The following HSD17B2 variants were observed in gnomAD, a reference collection of about 807,000 sequenced individuals.
HSD17B2 encodes the protein 17-beta-hydroxysteroid dehydrogenase type 2.
In HSD17B2, 32 loss-of-function variants were observed where a neutral mutation model predicts 26.9. That is an observed-to-expected ratio of 1.19 (90% CI 0.90 to 1.60). The LOEUF (loss-of-function observed/expected upper bound fraction) is 1.60, where lower values mean the gene tolerates loss of function less well. HSD17B2 is among the 40% of genes most tolerant of loss of function. The pLI is 0.00. For synonymous variants in HSD17B2, 246 were observed against 186.7 expected, an observed-to-expected ratio of 1.32 and a Z score of -2.59; for missense variants, 613 against 468.6, an observed-to-expected ratio of 1.31 and a Z score of -2.85.
chr16:82,077,668 C>A (rs1904309392), intron 3 of HSD17B2, among the ~76,000 whole-genome samples: 1 of 151,816 alleles, frequency 6.6e-6, no homozygotes, highest in South Asian at 2.1e-4. Flanking sequence ...GAGATAGAGG[C>A]TGCAGCAGAC....
At chr16:82,046,572 A>T (rs1468728317) in intron 1 of HSD17B2, among the ~76,000 whole-genome samples, 1 of 152,014 alleles carries the variant, frequency 6.6e-6, no homozygotes, top group Non-Finnish European at 1.5e-5. Flanking sequence ...AAAATACAAA[A>T]ATTAGACGGG....
At chr16:82,091,481 C>T (rs934870289) in intron 4 of HSD17B2, 16 of 200,730 alleles carry the variant, frequency 8.0e-5, no homozygotes, top group African/African-American at 2.8e-4. Context: ...GAGAGAAATG[C>T]TTCTGCATTG....
chr16:82,084,613 C>A (rs966688801), intron 3 of HSD17B2, among the ~76,000 whole-genome samples: 14 of 152,088 alleles, frequency 9.2e-5, no homozygotes, highest in African/African-American at 3.1e-4. Flanking sequence ...TCTAATTGTA[C>A]AAAGGACAGT....
intron 1 of HSD17B2, among the ~76,000 whole-genome samples, chr16:82,048,596 T>G (rs1217866823): frequency 6.6e-6 from 1 of 152,116 alleles, no homozygotes; most frequent in East Asian, 1.9e-4. Flanking sequence ...AAGGAAGGAC[T>G]TGAAGAAGAG....
At chr16:82,090,252 A>AAGATC in intron 3 of HSD17B2, 2 of 947,218 alleles carry the variant, frequency 2.1e-6, no homozygotes, top group South Asian at 9.8e-5. Context: ...GTCAGGCTAG[A>AAGATC]AGATCAGGGC....
Position 82,039,081 on chromosome 16 carries a change from G to C in HSD17B2, c.265+3392G>C, listed in dbSNP as rs139718647. On this transcript the variant is annotated intron_variant, in intron 1 of 4. Transcript: ENST00000199936. ...AAGAATCGCAGGTGCTGGCTGCTGG[G>C]AGTCAAAGTGCACCATGGATTGATG... Among the ~76,000 whole-genome samples the C allele has an allele frequency of 2.0e-3, 304 of 152,238 alleles. 1 individual carries two copies. The highest frequency in any genetic ancestry group is 6.9e-3 in the African/African-American group (288 of 41,516).
chr16:82,088,638 C>T (rs545734325), intron 3 of HSD17B2, among the ~76,000 whole-genome samples: 43 of 152,336 alleles, frequency 2.8e-4, no homozygotes, highest in Non-Finnish European at 5.1e-4. Context: ...TGATTTTGAA[C>T]AAGTTGCTGT....
At chr16:82,089,148 G>C (rs938296999) in intron 3 of HSD17B2, among the ~76,000 whole-genome samples, 2 of 152,062 alleles carry the variant, frequency 1.3e-5, no homozygotes, top group Non-Finnish European at 2.9e-5. Flanking sequence ...CACCCTTCAG[G>C]TAACCACTGA....
Position 82,098,392 on chromosome 16 carries a change from C to T in HSD17B2, c.1120C>T (p.Pro374Ser). The change falls in exon 5 of 5, where the codon CCC becomes TCC. Residue 374 changes from proline to serine, a missense_variant. Physicochemically the swap from Pro to Ser is moderately conservative, Grantham distance 74. Transcript: ENST00000199936. ...ACATTTTGGCCAAGACAAGCCCATG[C>T]CCAGAGCTCTAAGAATGCCTAACTA... ...KRHFGQDKPM[P>S]RALRMPNYKK... The T allele has an allele frequency of 6.2e-7, 1 of 1,613,524 alleles. No individual in the cohort carries two copies. The highest frequency in any genetic ancestry group is 1.1e-5 in the South Asian group (1 of 90,966).
chr16:82,044,749 A>G (rs1913868883), intron 1 of HSD17B2: 2 of 152,264 alleles, frequency 1.3e-5, no homozygotes, highest in South Asian at 4.1e-4. Flanking sequence ...CGTCACACTG[A>G]AAGCTATCCC....
chr16:82,046,466 T>A (rs1913932125), intron 1 of HSD17B2, among the ~76,000 whole-genome samples: 1 of 152,172 alleles, frequency 6.6e-6, no homozygotes, highest in Non-Finnish European at 1.5e-5. Context: ...CTCACGCCTG[T>A]AATCCCAGCA....
At chr16:82,054,395 A>C (rs1353536978) in intron 1 of HSD17B2, among the ~76,000 whole-genome samples, 2 of 151,628 alleles carry the variant, frequency 1.3e-5, no homozygotes, top group Non-Finnish European at 2.9e-5. Flanking sequence ...CCCAGGCTGG[A>C]GTGTAGTGGT....
chr16:82,084,018 C>G (rs1357599647), intron 3 of HSD17B2, among the ~76,000 whole-genome samples: 1 of 152,184 alleles, frequency 6.6e-6, no homozygotes, highest in East Asian at 1.9e-4. Flanking sequence ...CGCATAAACA[C>G]TTGTGTGCAA....
At chr16:82,064,705 A>G (rs887075551) in intron 1 of HSD17B2, among the ~76,000 whole-genome samples, 1 of 152,248 alleles carries the variant, frequency 6.6e-6, no homozygotes, top group Non-Finnish European at 1.5e-5. Context: ...CTTAAAGCAT[A>G]CATGGGGAAG....
intron 1 of HSD17B2, among the ~76,000 whole-genome samples, chr16:82,048,457 A>G (rs1178348964): frequency 1.3e-5 from 2 of 152,160 alleles, no homozygotes. Context: ...TTAGTGAGCA[A>G]CTCTGAAAAT....
intron 4 of HSD17B2, chr16:82,093,676 T>C (rs535410625): frequency 2.0e-5 from 3 of 152,316 alleles, no homozygotes; most frequent in South Asian, 2.1e-4. Flanking sequence ...TTGGATCTTG[T>C]GTGAGAAAGA....
rs1337596255 is a variant in HSD17B2 at position 82,035,513 on chromosome 16, G to A, written c.89G>A (p.Ser30Asn). 5.6e-6 allele frequency: 9 copies of A among 1,614,002 alleles called. No individual in the cohort carries two copies. Among genetic ancestry groups the A allele is most frequent in the East Asian group, 4.5e-5 (2 of 44,890 alleles). Reference protein sequence around the residue: ...CGTVFCKYKKSSGQLWSWMVC... With the variant: ...CGTVFCKYKKNSGQLWSWMVC... ...ACAGTATTTTGCAAATACAAGAAGAGCTCAGGGCAGCTGTGGAGCTGGATG... is the reference window on the plus strand; with the variant it reads ...ACAGTATTTTGCAAATACAAGAAGAACTCAGGGCAGCTGTGGAGCTGGATG... The change falls in exon 1 of 5, where the codon AGC (serine) becomes AAC (asparagine). Residue 30 changes from serine (S) to asparagine (N), a missense_variant. Physicochemically the swap from Ser to Asn is conservative, Grantham distance 46. Transcript: ENST00000199936.
At chr16:82,040,355 C>T (rs142585328) in intron 1 of HSD17B2, among the ~76,000 whole-genome samples, 1 of 152,320 alleles carries the variant, frequency 6.6e-6, no homozygotes, top group East Asian at 1.9e-4. Flanking sequence ...AGAGAAATAA[C>T]ATCTCTGTGC....
At chr16:82,079,564 T>A (rs1485604549) in intron 3 of HSD17B2, among the ~76,000 whole-genome samples, 1 of 152,206 alleles carries the variant, frequency 6.6e-6, no homozygotes, top group African/African-American at 2.4e-5. Flanking sequence ...TCCAAGATAC[T>A]GGAGGTTAGT....
Sources: gnomAD v4.1 joint callset for allele counts (sites outside exome capture counted in the v4.1 genomes callset) on GRCh38, gnomAD v4.1.1 for gene constraint, MANE v1.5 for transcripts, NCBI Gene and HGNC (gene_info 2026-07-23, HGNC 2026-07-21) for gene names.